CRPPA: variants seen among roughly 807,000 people sequenced by gnomAD.
CRPPA encodes D-ribitol-5-phosphate cytidylyltransferase.
CRPPA carries 43 observed loss-of-function variants against 52.0 expected under a neutral mutation model. The observed-to-expected ratio is 0.83, with a 90% CI of 0.65 to 1.07. The LOEUF (loss-of-function observed/expected upper bound fraction) is 1.07, where lower values mean the gene tolerates loss of function less well. Ranked by LOEUF, CRPPA falls within the 50% of genes least tolerant of loss-of-function variation. The pLI is 0.00. For synonymous variants in CRPPA, 250 were observed against 203.5 expected (o/e 1.23, Z -1.94); for missense variants, 629 against 551.7 (o/e 1.14, Z -1.40).
At chr7:16,142,285 C>A (rs79116671) in intron 9 of CRPPA, among the ~76,000 whole-genome samples, 2 of 152,082 alleles carry the variant, frequency 1.3e-5, no homozygotes, top group African/African-American at 4.8e-5. Flanking sequence ...GTTTGTTGTA[C>A]GTTATTTCAT....
At chr7:16,410,490 T>C (rs986927739) in intron 1 of CRPPA, among the ~76,000 whole-genome samples, 2 of 152,208 alleles carry the variant, frequency 1.3e-5, no homozygotes, top group Non-Finnish European at 2.9e-5. Context: ...GCCACGGCTG[T>C]GACCCAAACG....
chr7:16,216,263 A>G (rs1782306937), intron 8 of CRPPA, 66 bp from the exon 9 acceptor site: 2 of 1,058,134 alleles, frequency 1.9e-6, no homozygotes, highest in South Asian at 3.2e-5. Context: ...GGGAAAAAAC[A>G]TTAAAGAAGC....
At chr7:16,392,775 A>C (rs1405079145) in intron 2 of CRPPA, among the ~76,000 whole-genome samples, 2 of 152,150 alleles carry the variant, frequency 1.3e-5, no homozygotes, top group Non-Finnish European at 2.9e-5. Context: ...AGAATTACGT[A>C]GTTTAAATAA....
intron 2 of CRPPA, among the ~76,000 whole-genome samples, chr7:16,392,492 T>C (rs1356142706): frequency 1.3e-5 from 2 of 152,164 alleles, no homozygotes; most frequent in Admixed American, 6.6e-5. Context: ...CCAAGCATTA[T>C]GCTTTGCATA....
intron 9 of CRPPA, among the ~76,000 whole-genome samples, chr7:16,148,169 T>C (rs1783010209): frequency 6.6e-6 from 1 of 152,144 alleles, no homozygotes; most frequent in Non-Finnish European, 1.5e-5. Context: ...ATACTATACA[T>C]ATTCATAAAA....
In CRPPA at chr7:16,089,638, T is replaced by C. The variant is rs1781794541; in HGVS notation, c.*2057A>G. On this transcript the variant is annotated 3_prime_UTR_variant, in exon 10 of 10. Transcript: ENST00000407010. The stretch of plus-strand genomic sequence containing the variant: ...ATACATGTATATGTATGTATGTATT[T>C]TTTTTTCCCAATGCTGTGAATTGCT... The C allele has an allele frequency of 4.9e-6, 1 of 202,434 alleles. No homozygotes were observed. Among genetic ancestry groups the C allele is most frequent in the Non-Finnish European group, 1.1e-5 (1 of 92,868 alleles). 12.5% of individuals were successfully genotyped at this position (202,434 alleles called of 1,614,324 possible).
At chr7:16,260,334 ATT>A (rs1783762117) in intron 6 of CRPPA, among the ~76,000 whole-genome samples, 2 of 152,024 alleles carry the variant, frequency 1.3e-5, no homozygotes, top group Non-Finnish European at 2.9e-5. Context: ...CTTACTTGGC[ATT>A]CCAGAGTTAT....
intron 5 of CRPPA, among the ~76,000 whole-genome samples, chr7:16,298,189 A>C (rs1013448484): frequency 2.0e-5 from 3 of 152,200 alleles, no homozygotes; most frequent in South Asian, 2.1e-4. Context: ...GAGCATCGTA[A>C]GACTTAAAGC....
In CRPPA at chr7:16,351,909, C is replaced by T. The variant is rs555098273; in HGVS notation, c.684+24183G>A. Among the ~76,000 whole-genome samples the T allele has an allele frequency of 2.6e-5, 4 of 152,298 alleles. No homozygotes were observed. In the East Asian group the frequency reaches 7.7e-4, roughly 29 times the overall value. The stretch of plus-strand genomic sequence containing the variant: ...ACCATTTGACCCAACAATCCCATTA[C>T]TGGATATACACTCAAAGGATTACAA... On this transcript the variant is annotated intron_variant, in intron 3 of 9. Transcript: ENST00000407010.
At chr7:16,207,577 A>G (rs937968592) in intron 9 of CRPPA, among the ~76,000 whole-genome samples, 1 of 152,236 alleles carries the variant, frequency 6.6e-6, no homozygotes, top group Admixed American at 6.5e-5. Flanking sequence ...ATTCAAGGAA[A>G]GTCTACATAA....
At chr7:16,160,771 C>T (rs546893153) in intron 9 of CRPPA, among the ~76,000 whole-genome samples, 4 of 152,260 alleles carry the variant, frequency 2.6e-5, no homozygotes, top group South Asian at 4.1e-4. Flanking sequence ...GCCATTTTCA[C>T]GATATTGATT....
chr7:16,232,231 G>T (rs937415724), intron 8 of CRPPA, among the ~76,000 whole-genome samples: 3 of 152,166 alleles, frequency 2.0e-5, no homozygotes, highest in Non-Finnish European at 4.4e-5. Flanking sequence ...AATTAATATG[G>T]TTTAAATTTC....
chr7:16,191,059 T>A (rs1459724360), intron 9 of CRPPA, among the ~76,000 whole-genome samples: 6 of 152,164 alleles, frequency 3.9e-5, no homozygotes, highest in Admixed American at 6.6e-5. Flanking sequence ...GTTCCATAAT[T>A]GGAAAATTAT....
At chr7:16,417,574 G>T (rs73291283) in intron 1 of CRPPA, among the ~76,000 whole-genome samples, 1 of 152,120 alleles carries the variant, frequency 6.6e-6, no homozygotes, top group Non-Finnish European at 1.5e-5. Context: ...TCCTAAGACG[G>T]AGCTAAACAA....
At chr7:16,259,386 AAC>A (rs1355766367) in intron 6 of CRPPA, among the ~76,000 whole-genome samples, 6 of 152,016 alleles carry the variant, frequency 3.9e-5, no homozygotes, top group Admixed American at 1.3e-4. Flanking sequence ...GGAAGCACAT[AAC>A]ACAGTTTTAA....
chr7:16,347,673 T>C (rs1225083507), intron 3 of CRPPA, among the ~76,000 whole-genome samples: 1 of 152,078 alleles, frequency 6.6e-6, no homozygotes, highest in African/African-American at 2.4e-5. Context: ...TCAAGTCTCC[T>C]ACCCAATAAG....
At chr7:16,399,630 G>A (rs73071098) in intron 2 of CRPPA, among the ~76,000 whole-genome samples, 2,288 of 151,358 alleles carry the variant, frequency 0.015, 45 homozygotes, top group Admixed American at 0.056. Context: ...TGACCCGATC[G>A]ACACATGATC....
chr7:16,235,026 T>C (rs997240266), intron 8 of CRPPA, among the ~76,000 whole-genome samples: 5 of 152,008 alleles, frequency 3.3e-5, no homozygotes, highest in South Asian at 2.1e-4. Flanking sequence ...AACAGTAGAA[T>C]TAGGGAAGAG....
chr7:16,186,906 C>A (rs953536988), intron 9 of CRPPA, among the ~76,000 whole-genome samples: 1 of 152,094 alleles, frequency 6.6e-6, no homozygotes, highest in Admixed American at 6.6e-5. Flanking sequence ...TGTTAACCTA[C>A]GTGGAAAGTT....
Sources: allele counts gnomAD v4.1 joint callset (sites outside exome capture counted in the v4.1 genomes callset), GRCh38; gene constraint gnomAD v4.1.1; transcripts MANE v1.5; gene names NCBI Gene and HGNC (gene_info 2026-07-23, HGNC 2026-07-21).